The following FAM186A variants were observed in gnomAD, a reference collection of about 807,000 sequenced individuals.
The protein encoded by FAM186A is protein FAM186A.
In FAM186A, 163 loss-of-function variants were observed where a neutral mutation model predicts 216.8. The ratio of observed to expected loss-of-function variants is 0.75; its 90% CI spans 0.66 to 0.86. FAM186A has a LOEUF of 0.86. Ranked by LOEUF, FAM186A falls within the 40% of genes least tolerant of loss-of-function variation. FAM186A has a pLI of 0.00. For missense variants in FAM186A, 2,184 were observed against 2,746.2 expected, an observed-to-expected ratio of 0.80 and a Z score of 4.58; for synonymous variants, 805 against 1,025.3, an observed-to-expected ratio of 0.79 and a Z score of 4.10.
rs1565883394 is a variant in FAM186A at position 50,351,213 on chromosome 12, G to A, written c.5619C>T (p.Leu1873=). 1 of 1,551,632 alleles carries A rather than the reference G, an allele frequency of 6.4e-7. No individual in the cohort carries two copies. Among genetic ancestry groups the A allele is most frequent in the Admixed American group, 2.0e-5 (1 of 50,996 alleles). Residue 1873 remains leucine (L), a synonymous_variant, in exon 4 of 8, where the codon CTC becomes CTT. Coordinates refer to ENST00000327337, the MANE Select transcript of FAM186A (RefSeq NM_001145475.3). ...VPEASSIPGD[L]LESGPLTFSE... ...AGAAGGTTAAGGGTCCAGATTCCAGGAGGTCCCCAGGGATGGAAGAGGCTT... is the reference window on the plus strand; with the variant it reads ...AGAAGGTTAAGGGTCCAGATTCCAGAAGGTCCCCAGGGATGGAAGAGGCTT...
chr12:50,351,139 G>T lies in FAM186A; in HGVS notation c.5693C>A (p.Pro1898His). 1.3e-6 allele frequency: 2 copies of T among 1,551,584 alleles called. No individual in the cohort carries two copies. The highest frequency in any genetic ancestry group is 1.7e-6 in the Non-Finnish European group (2 of 1,146,998). The change falls in exon 4 of 8, where the codon CCC (proline) becomes CAC (histidine). Residue 1898 changes from proline to histidine, a missense_variant. Pro to His is a moderately conservative substitution (Grantham distance 77). Around this residue, in one of 7 missense-constraint regions of FAM186A, gnomAD observed 721 missense variants for 816.4 expected, o/e 0.88. Coordinates refer to ENST00000327337, the MANE Select transcript of FAM186A (RefSeq NM_001145475.3). ...FQPPATAEQSPYLQAPSTPGQ... is the reference protein window; with the variant it reads ...FQPPATAEQSHYLQAPSTPGQ... Reference sequence around the variant, plus strand: ...AGGGGTAGAAGGAGCCTGCAGATAGGGAGATTGCTCAGCAGTGGCAGGAGG... The same window carrying T: ...AGGGGTAGAAGGAGCCTGCAGATAGTGAGATTGCTCAGCAGTGGCAGGAGG...
rs1000864238 is a variant in FAM186A, at chr12:50,350,895, A to G, written c.5937T>C (p.Ala1979=). 6.4e-7 allele frequency: 1 copy of G among 1,551,546 alleles called. No individual in the cohort carries two copies. Residue 1979 remains alanine (A), a synonymous_variant, in exon 4 of 8, where the codon GCT becomes GCC. Transcript: ENST00000327337. ...IHPSAPDFKV[A]QVPFTTKKFQ... ...ACTTCTTAGTGGTGAAAGGAACTTG[A>G]GCTACCTTGAAATCTGGAGCACTAG...
At chr12:50,376,666 G>A (rs752059275) in intron 1 of FAM186A, among the ~76,000 whole-genome samples, 11 of 152,044 alleles carry the variant, frequency 7.2e-5, no homozygotes, top group Non-Finnish European at 4.4e-5. Flanking sequence ...AGGCATCAAG[G>A]AAGTTCTCAC....
chr12:50,355,532 T>TG lies in FAM186A; in HGVS notation c.1299dup (p.Ser434GlnfsTer3). 1 of 1,551,604 alleles carries TG rather than the reference T, an allele frequency of 6.4e-7. No homozygotes were observed. The highest frequency in any genetic ancestry group is 8.7e-7 in the Non-Finnish European group (1 of 1,146,976). ...TTCAATGATACGTTATCTTTAGTGC[T>TG]GTCTTCGGAAATATCTTCAGAAGCA... On this transcript the variant is annotated frameshift_variant, in exon 4 of 8. Transcript: ENST00000327337. LOFTEE classifies it high-confidence loss of function.
chr12:50,342,245 G>T (rs188375678), intron 4 of FAM186A, among the ~76,000 whole-genome samples: 113 of 151,356 alleles, frequency 7.5e-4, no homozygotes, highest in African/African-American at 2.7e-3. Context: ...GGCAGAGGTT[G>T]CAGTGAGCTG....
intron 4 of FAM186A, among the ~76,000 whole-genome samples, chr12:50,347,479 C>A (rs1942831126): frequency 6.6e-6 from 1 of 151,872 alleles, no homozygotes; most frequent in Non-Finnish European, 1.5e-5. Context: ...ACCTGTAATC[C>A]CAGCACTTTG....
intron 2 of FAM186A, 82 bp from the exon 3 acceptor site, chr12:50,361,008 T>A: frequency 9.7e-7 from 1 of 1,028,796 alleles, no homozygotes; most frequent in Non-Finnish European, 1.4e-6. Flanking sequence ...ATTGGGTAAC[T>A]ACTCAATACA....
At chr12:50,375,479 G>T (rs2136103045) in intron 1 of FAM186A, among the ~76,000 whole-genome samples, 1 of 151,524 alleles carries the variant, frequency 6.6e-6, no homozygotes, top group South Asian at 2.1e-4. Context: ...AACCCGGGAG[G>T]CAGAGGTTGC....
At chr12:50,378,618 GTATATATA>G in intron 1 of FAM186A, among the ~76,000 whole-genome samples, 1 of 137,812 alleles carries the variant, frequency 7.3e-6, no homozygotes, top group Middle Eastern at 3.7e-3. Context: ...TATGTAAATT[GTATATATA>G]TATATATACA....
chr12:50,392,344 C>G, intron 1 of FAM186A: 1 of 153,498 alleles, frequency 6.5e-6, no homozygotes, highest in East Asian at 1.9e-4. Context: ...CTGGCGCGAT[C>G]TTGGCTCACT....
intron 1 of FAM186A, among the ~76,000 whole-genome samples, chr12:50,383,564 C>G (rs929799910): frequency 6.6e-6 from 1 of 152,008 alleles, no homozygotes; most frequent in Non-Finnish European, 1.5e-5. Flanking sequence ...CCACTCAACT[C>G]CAGCCTGGGC....
chr12:50,381,287 C>A (rs1005911741), intron 1 of FAM186A, among the ~76,000 whole-genome samples: 1 of 152,180 alleles, frequency 6.6e-6, no homozygotes, highest in African/African-American at 2.4e-5. Context: ...TCCCACCATT[C>A]GGCAGGTCCC....
chr12:50,327,806 A>G (rs1942620313), intron 7 of FAM186A, among the ~76,000 whole-genome samples: 1 of 152,028 alleles, frequency 6.6e-6, no homozygotes, highest in South Asian at 2.1e-4. Flanking sequence ...TGGCCTCCCA[A>G]AGTGCTGGGA....
chr12:50,360,350 T>C (rs1170613732), intron 3 of FAM186A, among the ~76,000 whole-genome samples: 2 of 151,802 alleles, frequency 1.3e-5, no homozygotes, highest in Non-Finnish European at 2.9e-5. Flanking sequence ...ATCATTTAAT[T>C]GTACACTTAA....
chr12:50,347,678 CA>C (rs71083539), intron 4 of FAM186A, among the ~76,000 whole-genome samples: 94,617 of 145,214 alleles, frequency 0.65, 30,493 homozygotes, highest in Admixed American at 0.74. Flanking sequence ...GACTCCATCT[CA>C]AAAAAAAAAA....
At chr12:50,357,836 G>A (rs1389392578) in intron 3 of FAM186A, among the ~76,000 whole-genome samples, 1 of 152,088 alleles carries the variant, frequency 6.6e-6, no homozygotes, top group Non-Finnish European at 1.5e-5. Flanking sequence ...GATTTGACTT[G>A]GAGCAAAGCC....
intron 4 of FAM186A, among the ~76,000 whole-genome samples, chr12:50,345,345 A>G (rs950465580): frequency 2.0e-5 from 3 of 152,100 alleles, no homozygotes; most frequent in African/African-American, 7.2e-5. Context: ...CAGAGGTTGC[A>G]GTGAGGTGAG....
intron 4 of FAM186A, among the ~76,000 whole-genome samples, chr12:50,347,148 T>C (rs539664028): frequency 2.0e-5 from 3 of 152,260 alleles, no homozygotes; most frequent in South Asian, 4.1e-4. Flanking sequence ...ATACTACGAA[T>C]CCATCATGGC....
chr12:50,335,411 C>T (rs572724736), intron 4 of FAM186A, among the ~76,000 whole-genome samples: 1 of 152,118 alleles, frequency 6.6e-6, no homozygotes, highest in African/African-American at 2.4e-5. Flanking sequence ...TTTGGGAAGC[C>T]AAGGCTGGTG....
Sources: gnomAD v4.1 joint callset for allele counts (sites outside exome capture counted in the v4.1 genomes callset) on GRCh38, gnomAD v4.1.1 for gene constraint, gnomAD v4.1.1 regional missense constraint, MANE v1.5 for transcripts, NCBI Gene and HGNC (gene_info 2026-07-23, HGNC 2026-07-21) for gene names.